Variants in PDIA5 observed in about 807,000 individuals in gnomAD.
The protein encoded by PDIA5 is protein disulfide-isomerase A5.
In PDIA5, 58 loss-of-function variants were observed where a neutral mutation model predicts 77.6. That is an observed-to-expected ratio of 0.75 (90% CI 0.61 to 0.93). PDIA5 has a LOEUF of 0.93. Among genes scored for constraint, PDIA5 ranks in the 40% least tolerant of loss-of-function variants. PDIA5 has a pLI of 0.00. For missense variants in PDIA5, 630 were observed against 647.7 expected (o/e 0.97, Z 0.30); for synonymous variants, 250 against 252.1 (o/e 0.99, Z 0.08).
chr3:123,136,495 C>G (rs1353046132), intron 11 of PDIA5, among the ~76,000 whole-genome samples: 1 of 151,892 alleles, frequency 6.6e-6, no homozygotes, highest in Admixed American at 6.6e-5. Context: ...AATCCCAGCA[C>G]TTTGGGAGGC....
chr3:123,121,218 G>T (rs902860921), intron 8 of PDIA5, among the ~76,000 whole-genome samples: 1 of 152,120 alleles, frequency 6.6e-6, no homozygotes, highest in Admixed American at 6.5e-5. Flanking sequence ...CCCCATCCCG[G>T]GACGTCTGTT....
At position 123,089,120 on chromosome 3, in the gene PDIA5, G is replaced by A. The variant is rs1283567917; in HGVS notation, c.43-48G>A. 3 of 1,587,444 alleles carry A rather than the reference G, an allele frequency of 1.9e-6. No individual in the cohort carries two copies. In the Admixed American group the frequency reaches 5.2e-5, roughly 28 times the overall value. ...ATCCATGGGCACCGATTCTTCTGGG[G>A]CCCAGCCAGAAGCTGGAACTCACAG... On this transcript the variant is annotated intron_variant, in intron 1 of 16. Transcript: ENST00000316218.
chr3:123,147,969 C>T (rs58288693), intron 13 of PDIA5, among the ~76,000 whole-genome samples: 40 of 152,250 alleles, frequency 2.6e-4, no homozygotes, highest in African/African-American at 7.9e-4. Flanking sequence ...CCACAAACAG[C>T]GAGCATGAGG....
At chr3:123,122,349 C>T (rs957768472) in intron 8 of PDIA5, among the ~76,000 whole-genome samples, 2 of 152,078 alleles carry the variant, frequency 1.3e-5, no homozygotes, top group Admixed American at 6.6e-5. Context: ...GGGAAATGAG[C>T]AGAATGACTT....
At chr3:123,071,096 T>C (rs988620530) in intron 1 of PDIA5, among the ~76,000 whole-genome samples, 5 of 152,094 alleles carry the variant, frequency 3.3e-5, no homozygotes, top group African/African-American at 1.2e-4. Flanking sequence ...AAGCCCTTTC[T>C]TGATAAAATT....
At chr3:123,145,133 C>G (rs1487057094) in intron 11 of PDIA5, 1 of 169,404 alleles carries the variant, frequency 5.9e-6, no homozygotes, top group African/African-American at 2.4e-5. Flanking sequence ...GGGTTTTCAA[C>G]CCAGCTCTGT....
intron 6 of PDIA5, among the ~76,000 whole-genome samples, chr3:123,109,534 G>A (rs1261258526): frequency 2.6e-5 from 4 of 152,002 alleles, no homozygotes. Flanking sequence ...GTGCCTTAAT[G>A]CTCTCTCTAG....
chr3:123,088,858 TTA>T (rs1290368700), intron 1 of PDIA5, among the ~76,000 whole-genome samples: 5 of 152,246 alleles, frequency 3.3e-5, no homozygotes, highest in Non-Finnish European at 7.3e-5. Context: ...CCGTTATTTT[TTA>T]TGTTTTTCAA....
At chr3:123,088,333 T>A (rs2107918555) in intron 1 of PDIA5, among the ~76,000 whole-genome samples, 1 of 152,264 alleles carries the variant, frequency 6.6e-6, no homozygotes, top group Non-Finnish European at 1.5e-5. Context: ...TCCAGGGTTC[T>A]CTGGGGGAGA....
At chr3:123,084,488 T>C (rs1427054888) in intron 1 of PDIA5, among the ~76,000 whole-genome samples, 2 of 152,012 alleles carry the variant, frequency 1.3e-5, no homozygotes, top group African/African-American at 4.8e-5. Flanking sequence ...CCTCCCTCAC[T>C]GAGGGTGTTT....
chr3:123,081,538 A>G (rs559585696), intron 1 of PDIA5, among the ~76,000 whole-genome samples: 2 of 152,286 alleles, frequency 1.3e-5, no homozygotes, highest in Non-Finnish European at 2.9e-5. Flanking sequence ...AACTATTTTG[A>G]GCAAAATGTG....
chr3:123,092,244 T>C, intron 2 of PDIA5, 111 bp from the exon 3 acceptor site: 2 of 806,496 alleles, frequency 2.5e-6, no homozygotes, highest in South Asian at 3.0e-5. Context: ...TCAGGACTTC[T>C]CCACCCCCTC....
At chr3:123,151,296 G>A (rs999761237) in intron 14 of PDIA5, among the ~76,000 whole-genome samples, 2 of 152,198 alleles carry the variant, frequency 1.3e-5, no homozygotes, top group African/African-American at 2.4e-5. Context: ...TGTCCTCTTC[G>A]GTCTGTAGAG....
At position 123,124,359 on chromosome 3, in the gene PDIA5, G is replaced by C. The variant is rs772357023; in HGVS notation, c.773+16G>C. ...GGCTGAAGAAGTAAGTGGGGTGTGT[G>C]TGTGTCAGTGGGCGTGGACCCAGAG... On this transcript the variant is annotated intron_variant, in intron 10 of 16. Transcript: ENST00000316218. 4 of 1,595,020 alleles carry C rather than the reference G, an allele frequency of 2.5e-6. No individual in the cohort carries two copies. The highest frequency in any genetic ancestry group is 3.4e-6 in the Non-Finnish European group (4 of 1,162,382).
At chr3:123,154,445 C>T (rs748846999) in intron 14 of PDIA5, among the ~76,000 whole-genome samples, 1 of 152,152 alleles carries the variant, frequency 6.6e-6, no homozygotes, top group African/African-American at 2.4e-5. Flanking sequence ...ACAGTCTGGG[C>T]TGGGTGGAGG....
intron 15 of PDIA5, among the ~76,000 whole-genome samples, chr3:123,158,488 G>A (rs898433694): frequency 1.3e-5 from 2 of 152,146 alleles, no homozygotes; most frequent in African/African-American, 4.8e-5. Flanking sequence ...GAAAGGGGAG[G>A]AACCAAAGCA....
intron 13 of PDIA5, 81 bp downstream of exon 13, chr3:123,146,340 T>C: frequency 8.3e-7 from 1 of 1,205,536 alleles, no homozygotes; most frequent in Non-Finnish European, 1.2e-6. Context: ...TGAAGTAAAC[T>C]TTATGGTCAA....
chr3:123,130,348 T>C, intron 10 of PDIA5, 132 bp from the exon 11 acceptor site: 1 of 952,880 alleles, frequency 1.0e-6, no homozygotes, highest in Non-Finnish European at 1.5e-6. Context: ...AGTTTCTGGT[T>C]TGTTAAAGGC....
chr3:123,102,551 AT>A lies in PDIA5; in HGVS notation c.341+61del, dbSNP rs1273609524. 2.3e-6 allele frequency: 3 copies of A among 1,292,904 alleles called. No homozygotes were observed. In the African/African-American group the frequency reaches 4.4e-5, roughly 19 times the overall value. The allele number at this position is 1,292,904 out of a possible 1,614,324, so 80.1% of individuals were successfully genotyped here. ...GTAAGTGCCAAATGCTTTCATTGGT[AT>A]TTTCAGCGAACAGCAATTTTTAGTT... On this transcript the variant is annotated intron_variant, in intron 4 of 16. Coordinates refer to ENST00000316218, the MANE Select transcript of PDIA5 (RefSeq NM_006810.4).
Sources: gnomAD v4.1 joint callset for allele counts (sites outside exome capture counted in the v4.1 genomes callset) on GRCh38, gnomAD v4.1.1 for gene constraint, MANE v1.5 for transcripts, NCBI Gene and HGNC (gene_info 2026-07-23, HGNC 2026-07-21) for gene names.